DLGAP1: variants seen among roughly 807,000 people sequenced by gnomAD.
DLGAP1 encodes disks large-associated protein 1.
A neutral mutation model predicts 90.8 loss-of-function variants in DLGAP1; 11 were observed. That is an observed-to-expected ratio of 0.12 (90% CI 0.08 to 0.20). DLGAP1 has a LOEUF of 0.20. Among genes scored for constraint, DLGAP1 ranks in the 10% least tolerant of loss-of-function variants. The pLI, the probability that DLGAP1 is intolerant of heterozygous loss-of-function variation, is 1.00. For missense variants in DLGAP1, 1,050 were observed against 1,333.8 expected (o/e 0.79, Z 3.31); for synonymous variants, 558 against 540.7 (o/e 1.03, Z -0.44).
At chr18:4,356,299 C>T (rs2081514268) in intron 1 of DLGAP1, among the ~76,000 whole-genome samples, 1 of 152,052 alleles carries the variant, frequency 6.6e-6, no homozygotes, top group Non-Finnish European at 1.5e-5. Context: ...CTGACAACTC[C>T]CTATTTTATA....
chr18:4,369,837 A>T (rs2081875821), intron 1 of DLGAP1, among the ~76,000 whole-genome samples: 1 of 146,946 alleles, frequency 6.8e-6, no homozygotes, highest in Admixed American at 6.8e-5. Flanking sequence ...AAAAAAAAAA[A>T]AAGGCGGGGG....
intron 3 of DLGAP1, among the ~76,000 whole-genome samples, chr18:3,905,137 T>C (rs567099587): frequency 1.9e-4 from 28 of 150,622 alleles, no homozygotes; most frequent in African/African-American, 6.3e-4. Flanking sequence ...GGAGGCTGAG[T>C]TGGGCGGATC....
At chr18:4,321,605 G>A (rs1291723660) in intron 1 of DLGAP1, among the ~76,000 whole-genome samples, 2 of 152,150 alleles carry the variant, frequency 1.3e-5, no homozygotes, top group African/African-American at 4.8e-5. Context: ...TGCAGATACT[G>A]AAAACAGGCT....
intron 1 of DLGAP1, among the ~76,000 whole-genome samples, chr18:4,363,364 T>C (rs668718): frequency 0.3 from 45,430 of 151,968 alleles, 7,479 homozygotes; most frequent in Non-Finnish European, 0.37. Flanking sequence ...ACAGGGATCC[T>C]TGGGAAAAGG....
At chr18:4,439,942 C>T (rs948664137) in intron 1 of DLGAP1, among the ~76,000 whole-genome samples, 5 of 151,524 alleles carry the variant, frequency 3.3e-5, no homozygotes, top group Non-Finnish European at 7.4e-5. Context: ...CACGGTGAAA[C>T]CCCGTAGCTC....
chr18:3,523,427 C>G (rs1225654844), intron 10 of DLGAP1, among the ~76,000 whole-genome samples: 1 of 151,584 alleles, frequency 6.6e-6, no homozygotes, highest in Non-Finnish European at 1.5e-5. Flanking sequence ...ATCCTACAAC[C>G]CGGGAAAAAA....
At chr18:4,451,607 G>T (rs1024291872) in intron 1 of DLGAP1, among the ~76,000 whole-genome samples, 1 of 152,030 alleles carries the variant, frequency 6.6e-6, no homozygotes, top group Non-Finnish European at 1.5e-5. Flanking sequence ...CACCTTCATC[G>T]GGCAGTAACA....
chr18:4,114,134 T>G (rs1437257057), intron 2 of DLGAP1, among the ~76,000 whole-genome samples: 1 of 150,238 alleles, frequency 6.7e-6, no homozygotes, highest in Non-Finnish European at 1.5e-5. Context: ...AATTTTAGAA[T>G]GGTTTTTTGT....
At chr18:3,514,109 CT>C (rs11402114) in intron 10 of DLGAP1, among the ~76,000 whole-genome samples, 176 of 145,402 alleles carry the variant, frequency 1.2e-3, no homozygotes, top group East Asian at 2.0e-3. Flanking sequence ...CTGACTGCTT[CT>C]TTTTTTTTTT....
intron 5 of DLGAP1, among the ~76,000 whole-genome samples, chr18:3,786,573 C>G (rs974437134): frequency 1.3e-5 from 2 of 152,166 alleles, no homozygotes; most frequent in Non-Finnish European, 2.9e-5. Context: ...CAGCATGGAA[C>G]TCTCCAACTT....
intron 2 of DLGAP1, among the ~76,000 whole-genome samples, chr18:4,144,136 C>T (rs916000822): frequency 1.3e-5 from 2 of 152,178 alleles, no homozygotes; most frequent in Admixed American, 6.5e-5. Flanking sequence ...ATCGTGAGCA[C>T]GCCAACCCCA....
chr18:4,051,763 G>T (rs1459731738), intron 2 of DLGAP1, among the ~76,000 whole-genome samples: 1 of 151,944 alleles, frequency 6.6e-6, no homozygotes, highest in East Asian at 1.9e-4. Context: ...TCTAGACAAT[G>T]CAAGTCCCTT....
Position 3,840,337 on chromosome 18 carries a change from G to A in DLGAP1, c.958-26064C>T, listed in dbSNP as rs533559329. ...GTTTCACTGAGCTGAAACCAAGATA[G>A]CAGAGCTGGGCGTCCTCTGGAGGCT... On this transcript the variant is annotated intron_variant, in intron 4 of 12. Coordinates refer to ENST00000315677, the MANE Select transcript of DLGAP1 (RefSeq NM_004746.4). 1.8e-4 allele frequency among the ~76,000 whole-genome samples: 28 copies of A among 152,242 alleles called. 1 individual carries two copies. The South Asian group carries it at 5.6e-3, about 31-fold the overall frequency.
intron 7 of DLGAP1, chr18:3,721,681 G>A (rs981044286): frequency 1.3e-5 from 2 of 152,036 alleles, no homozygotes; most frequent in African/African-American, 4.8e-5. Context: ...TTTGCGAGAG[G>A]AAAGAATGAA....
chr18:4,287,378 T>C (rs1334346912), intron 1 of DLGAP1, among the ~76,000 whole-genome samples: 2 of 152,140 alleles, frequency 1.3e-5, no homozygotes, highest in Non-Finnish European at 2.9e-5. Flanking sequence ...AGATTATAAA[T>C]CATTCTACTA....
At chr18:4,266,901 C>T (rs1233722907) in intron 1 of DLGAP1, among the ~76,000 whole-genome samples, 2 of 152,110 alleles carry the variant, frequency 1.3e-5, no homozygotes, top group African/African-American at 2.4e-5. Context: ...TAAAAGACTC[C>T]AAGTGTAATC....
In DLGAP1 at chr18:3,735,954, A is replaced by T. The variant is rs541527831; in HGVS notation, c.1350+6381T>A. ...TCCATTTCATTCTCTTTCTCTCTAC[A>T]CACACACACACACGCAAGCACACAC... On this transcript the variant is annotated intron_variant, in intron 6 of 12. Coordinates refer to ENST00000315677, the MANE Select transcript of DLGAP1 (RefSeq NM_004746.4). 6.6e-4 allele frequency among the ~76,000 whole-genome samples: 100 copies of T among 150,918 alleles called. 2 individuals are homozygous for T. Among genetic ancestry groups the T allele is most frequent in the African/African-American group, 2.4e-3 (99 of 41,006 alleles).
intron 4 of DLGAP1, among the ~76,000 whole-genome samples, chr18:3,871,252 T>C (rs2055243734): frequency 6.6e-6 from 1 of 152,208 alleles, no homozygotes; most frequent in South Asian, 2.1e-4. Context: ...TTCAAAGCCT[T>C]CTTTTACAAG....
At chr18:4,148,052 C>A (rs1424817843) in intron 2 of DLGAP1, among the ~76,000 whole-genome samples, 1 of 152,180 alleles carries the variant, frequency 6.6e-6, no homozygotes, top group Non-Finnish European at 1.5e-5. Flanking sequence ...GAAAAAGCCC[C>A]ATCCTTGTCT....
Sources: gnomAD v4.1 joint callset for allele counts (sites outside exome capture counted in the v4.1 genomes callset) on GRCh38, gnomAD v4.1.1 for gene constraint, MANE v1.5 for transcripts, NCBI Gene and HGNC (gene_info 2026-07-23, HGNC 2026-07-21) for gene names.